Variants in CAMK1D observed in about 807,000 individuals in gnomAD.
CAMK1D encodes the protein calcium/calmodulin-dependent protein kinase type 1D.
In CAMK1D, 9 loss-of-function variants were observed where a neutral mutation model predicts 47.7. The ratio of observed to expected loss-of-function variants is 0.19; its 90% CI spans 0.11 to 0.33. The LOEUF is 0.33. Ranked by LOEUF, CAMK1D falls within the 10% of genes least tolerant of loss-of-function variation. The pLI, the probability that CAMK1D is intolerant of heterozygous loss-of-function variation, is 1.00. For missense variants in CAMK1D, 291 were observed against 488.7 expected (o/e 0.60, Z 3.81); for synonymous variants, 184 against 184.9 (o/e 0.99, Z 0.04).
At chr10:12,592,258 C>A (rs9787460) in intron 2 of CAMK1D, among the ~76,000 whole-genome samples, 6,237 of 152,264 alleles carry the variant, frequency 0.041, 362 homozygotes, top group East Asian at 0.25. Context: ...CACCCTCTAT[C>A]TTTCTCCTTT....
intron 3 of CAMK1D, among the ~76,000 whole-genome samples, chr10:12,720,582 T>C (rs1048710611): frequency 1.4e-4 from 21 of 152,220 alleles, no homozygotes; most frequent in Admixed American, 1.2e-3. Context: ...CATTCTCTAA[T>C]CTTAGCTAAG....
intron 3 of CAMK1D, among the ~76,000 whole-genome samples, chr10:12,718,721 G>A (rs1218941062): frequency 6.6e-6 from 1 of 152,188 alleles, no homozygotes; most frequent in Non-Finnish European, 1.5e-5. Flanking sequence ...TTTACCACAT[G>A]CATCATGACT....
intron 2 of CAMK1D, among the ~76,000 whole-genome samples, chr10:12,623,153 CTCCCTCCTTTCT>C (rs1839063228): frequency 1.6e-4 from 2 of 12,610 alleles, no homozygotes; most frequent in African/African-American, 5.2e-4. Context: ...CCCTTCCTTC[CTCCCTCCTTTCT>C]TTCCTTCCTC....
rs576622845 is a variant in CAMK1D at position 12,446,811 on chromosome 10, T to C, written c.92+96901T>C. ...TGTCCTTGTTGTTCTGGTTTGAGTC[T>C]ACCCTTCCTTCCCTGCTGTCAGATA... On this transcript the variant is annotated intron_variant, in intron 1 of 10. Coordinates refer to ENST00000619168, the MANE Select transcript of CAMK1D (RefSeq NM_153498.4). Among the ~76,000 whole-genome samples the C allele has an allele frequency of 4.7e-4, 72 of 152,348 alleles. 1 individual carries two copies. The South Asian group carries it at 0.014, about 30-fold the overall frequency.
intron 10 of CAMK1D, among the ~76,000 whole-genome samples, chr10:12,827,027 C>G (rs1490119902): frequency 6.6e-6 from 1 of 152,246 alleles, no homozygotes; most frequent in Non-Finnish European, 1.5e-5. Context: ...TGGGGGAGGG[C>G]TTCAGCGCAG....
chr10:12,702,494 GAACA>G (rs1334169465), intron 3 of CAMK1D, among the ~76,000 whole-genome samples: 2 of 152,202 alleles, frequency 1.3e-5, no homozygotes, highest in African/African-American at 4.8e-5. Context: ...AAGGCACACT[GAACA>G]AACAATGATG....
intron 3 of CAMK1D, among the ~76,000 whole-genome samples, chr10:12,729,685 C>T (rs1007454511): frequency 6.6e-6 from 1 of 152,010 alleles, no homozygotes; most frequent in Admixed American, 6.6e-5. Flanking sequence ...ATTAAATATT[C>T]GAGGAGGAGG....
intron 1 of CAMK1D, among the ~76,000 whole-genome samples, chr10:12,508,228 A>AAGGC (rs1159164153): frequency 1.3e-5 from 2 of 152,240 alleles, no homozygotes; most frequent in Non-Finnish European, 2.9e-5. Flanking sequence ...GCTATTCATG[A>AAGGC]AGGCCAAAAG....
rs140055439 is a variant in CAMK1D, at chr10:12,660,014, T to G, written c.225-6722T>G. Among the ~76,000 whole-genome samples, 1,405 of 152,330 alleles carry G rather than the reference T, an allele frequency of 9.2e-3. 8 individuals are homozygous for G. The highest frequency in any genetic ancestry group is 0.011 in the Non-Finnish European group (772 of 68,032). On this transcript the variant is annotated intron_variant, in intron 2 of 10. Transcript: ENST00000619168. Reference sequence around the variant, plus strand: ...CATCCTCTCTTATAATCAGTTTCACTCTTGTCTCTCCCTTCCGATTGTATT... The same window carrying G: ...CATCCTCTCTTATAATCAGTTTCACGCTTGTCTCTCCCTTCCGATTGTATT...
chr10:12,558,307 A>G (rs1172041434), intron 2 of CAMK1D, among the ~76,000 whole-genome samples: 1 of 152,238 alleles, frequency 6.6e-6, no homozygotes, highest in Non-Finnish European at 1.5e-5. Flanking sequence ...GTAAGCCAGC[A>G]CTTTGGGAGG....
At chr10:12,762,921 C>T (rs372021984) in intron 4 of CAMK1D, among the ~76,000 whole-genome samples, 3 of 152,228 alleles carry the variant, frequency 2.0e-5, no homozygotes, top group Non-Finnish European at 2.9e-5. Flanking sequence ...TGAACACGTT[C>T]GTGTGGTGAC....
intron 1 of CAMK1D, among the ~76,000 whole-genome samples, chr10:12,383,050 A>G (rs748800354): frequency 6.6e-6 from 1 of 152,010 alleles, no homozygotes; most frequent in Admixed American, 6.6e-5. Flanking sequence ...AAGTGCACAC[A>G]TTTCCCCTGC....
At chr10:12,387,716 C>T (rs945938086) in intron 1 of CAMK1D, among the ~76,000 whole-genome samples, 3 of 151,490 alleles carry the variant, frequency 2.0e-5, no homozygotes, top group East Asian at 1.9e-4. Flanking sequence ...TCTCAAACTC[C>T]TGTGCTCAAG....
At chr10:12,505,502 G>A (rs1834842418) in intron 1 of CAMK1D, among the ~76,000 whole-genome samples, 1 of 152,190 alleles carries the variant, frequency 6.6e-6, no homozygotes, top group African/African-American at 2.4e-5. Flanking sequence ...TCAGAGCCCA[G>A]GCTCTCCTTT....
intron 1 of CAMK1D, among the ~76,000 whole-genome samples, chr10:12,368,990 TG>T (rs1190092459): frequency 6.6e-6 from 1 of 152,078 alleles, no homozygotes; most frequent in Non-Finnish European, 1.5e-5. Context: ...GCTAATTTTT[TG>T]TATTTTATAG....
intron 1 of CAMK1D, among the ~76,000 whole-genome samples, chr10:12,443,019 C>T (rs898886353): frequency 1.6e-4 from 25 of 152,240 alleles, no homozygotes; most frequent in Middle Eastern, 3.4e-3. Context: ...TGCTTTCTAA[C>T]GTTTCCCATC....
At chr10:12,477,882 C>A (rs975156697) in intron 1 of CAMK1D, among the ~76,000 whole-genome samples, 1 of 152,136 alleles carries the variant, frequency 6.6e-6, no homozygotes, top group African/African-American at 2.4e-5. Context: ...CATGGAATCC[C>A]GTATGCTTTA....
At position 12,694,277 on chromosome 10, in the gene CAMK1D, A is replaced by G. The variant is rs1346020773; in HGVS notation, c.299+27467A>G. Among the ~76,000 whole-genome samples the G allele has an allele frequency of 3.3e-3, 143 of 43,678 alleles. 15 individuals are homozygous for G. Among genetic ancestry groups the G allele is most frequent in the African/African-American group, 3.5e-3 (35 of 10,008 alleles). The allele number at this position is 43,678 out of a possible 152,430, so 28.7% of individuals were successfully genotyped here. A position where few individuals can be genotyped will look rare whatever the true frequency, so the allele number is the denominator to read the frequency against. On this transcript the variant is annotated intron_variant, in intron 3 of 10. Coordinates refer to ENST00000619168, the MANE Select transcript of CAMK1D (RefSeq NM_153498.4). ...ATGTATAATATATAATATATATTAT[A>G]CATAATATAAAATATATATTATATA...
At chr10:12,666,903 C>A (rs923565371) in intron 3 of CAMK1D, 93 bp downstream of exon 3, 6 of 1,020,664 alleles carry the variant, frequency 5.9e-6, no homozygotes. Flanking sequence ...TTGAAGTGGG[C>A]CAGGTAAGGC....
Sources: gnomAD v4.1 joint callset for allele counts (sites outside exome capture counted in the v4.1 genomes callset) on GRCh38, gnomAD v4.1.1 for gene constraint, MANE v1.5 for transcripts, NCBI Gene and HGNC (gene_info 2026-07-23, HGNC 2026-07-21) for gene names.